Variants in ETNK1 observed in about 807,000 individuals in gnomAD.
The protein encoded by ETNK1 is putative protein product of Nbla10396.
ETNK1 carries 8 observed loss-of-function variants against 45.1 expected under a neutral mutation model. The observed-to-expected ratio is 0.18, with a 90% CI of 0.10 to 0.32. ETNK1 has a LOEUF of 0.32. Among genes scored for constraint, ETNK1 ranks in the 10% least tolerant of loss-of-function variants. ETNK1 has a pLI of 1.00. For missense variants in ETNK1, 302 were observed against 430.6 expected, an observed-to-expected ratio of 0.70 and a Z score of 2.64; for synonymous variants, 152 against 151.9, an observed-to-expected ratio of 1.00 and a Z score of -0.01.
chr12:22,682,723 AC>A (rs1445440214), intron 6 of ETNK1, among the ~76,000 whole-genome samples: 1 of 151,622 alleles, frequency 6.6e-6, no homozygotes, highest in African/African-American at 2.4e-5. Flanking sequence ...GTGATTTGCT[AC>A]CACTGCCTTG....
intron 1 of ETNK1, among the ~76,000 whole-genome samples, chr12:22,629,079 A>G (rs562959353): frequency 6.0e-4 from 91 of 152,188 alleles, no homozygotes; most frequent in African/African-American, 1.9e-3. Context: ...CCCTACCTCA[A>G]TGGGTTATTG....
chr12:22,664,956 G>A (rs1043431399), intron 4 of ETNK1, among the ~76,000 whole-genome samples: 5 of 151,966 alleles, frequency 3.3e-5, no homozygotes, highest in Non-Finnish European at 2.9e-5. Flanking sequence ...CAAATTTTAG[G>A]CAAACTTCTT....
chr12:22,662,278 G>C (rs1239404097), intron 4 of ETNK1, among the ~76,000 whole-genome samples: 1 of 136,094 alleles, frequency 7.3e-6, no homozygotes, highest in East Asian at 2.3e-4. Context: ...AGAAGAGATA[G>C]AGTTTCACCA....
intron 1 of ETNK1, among the ~76,000 whole-genome samples, chr12:22,628,137 T>C (rs1953530051): frequency 6.6e-6 from 1 of 152,078 alleles, no homozygotes; most frequent in Non-Finnish European, 1.5e-5. Context: ...TCCTTTACTG[T>C]TTATAAAGCA....
chr12:22,670,727 A>G (rs1441953653), intron 4 of ETNK1, among the ~76,000 whole-genome samples: 1 of 152,234 alleles, frequency 6.6e-6, no homozygotes, highest in Admixed American at 6.5e-5. Flanking sequence ...ATGTAAGCAT[A>G]TGATAGCAAC....
At position 22,686,413 on chromosome 12, in the gene ETNK1, A is replaced by G. The variant is rs545670617; in HGVS notation, c.*1459A>G. The G allele has an allele frequency of 2.0e-5, 3 of 152,470 alleles. No homozygotes were observed. Among genetic ancestry groups the G allele is most frequent in the African/African-American group, 7.2e-5 (3 of 41,558 alleles). The allele number at this position is 152,470 out of a possible 1,614,324, so 9.4% of individuals were successfully genotyped here. On this transcript the variant is annotated 3_prime_UTR_variant, in exon 8 of 8. Transcript: ENST00000266517. The stretch of plus-strand genomic sequence containing the variant: ...CTGGATCTGCATATTCAAAATATGC[A>G]ACTACAAATTTATCCTCTGAGAAAT...
intron 2 of ETNK1, among the ~76,000 whole-genome samples, chr12:22,649,062 GT>G (rs1161266585): frequency 1.3e-5 from 2 of 151,984 alleles, no homozygotes; most frequent in African/African-American, 4.8e-5. Flanking sequence ...AAATTGGGTT[GT>G]TTGTGTTCTT....
At chr12:22,673,803 A>G (rs569020172) in intron 6 of ETNK1, 143 bp downstream of exon 6, 1 of 822,794 alleles carries the variant, frequency 1.2e-6, no homozygotes, top group South Asian at 1.9e-5. Flanking sequence ...CATTTACAGT[A>G]TGCATTACCC....
chr12:22,657,256 C>T (rs1193261721), intron 2 of ETNK1, among the ~76,000 whole-genome samples: 4 of 152,112 alleles, frequency 2.6e-5, no homozygotes, highest in Admixed American at 2.6e-4. Flanking sequence ...TTTATTTACT[C>T]ATTTGTTTGA....
At chr12:22,644,079 A>C (rs1045544762) in intron 2 of ETNK1, 57 bp downstream of exon 2, 5 of 1,515,906 alleles carry the variant, frequency 3.3e-6, no homozygotes, top group Admixed American at 2.2e-5. Context: ...AAGTGCATTA[A>C]GGAAATATTT....
chr12:22,652,803 G>T (rs1392551794), intron 2 of ETNK1, among the ~76,000 whole-genome samples: 1 of 152,064 alleles, frequency 6.6e-6, no homozygotes, highest in African/African-American at 2.4e-5. Flanking sequence ...TTTTCAGTCT[G>T]TTGATTGTGT....
At chr12:22,627,982 T>C (rs974948184) in intron 1 of ETNK1, among the ~76,000 whole-genome samples, 1 of 152,210 alleles carries the variant, frequency 6.6e-6, no homozygotes, top group East Asian at 1.9e-4. Flanking sequence ...GGAGTAAATA[T>C]ATCTCATTTT....
At chr12:22,658,888 G>A in intron 2 of ETNK1, 126 bp from the exon 3 acceptor site, 1 of 932,208 alleles carries the variant, frequency 1.1e-6, no homozygotes, top group Non-Finnish European at 1.6e-6. Context: ...TTTTACAAGA[G>A]AGAGCACAGG....
At chr12:22,662,562 T>C (rs1954016268) in intron 4 of ETNK1, among the ~76,000 whole-genome samples, 1 of 152,002 alleles carries the variant, frequency 6.6e-6, no homozygotes, top group South Asian at 2.1e-4. Context: ...ACCTGACTAA[T>C]TTCAAAATTT....
chr12:22,678,161 A>T (rs964455016), intron 6 of ETNK1, among the ~76,000 whole-genome samples: 1 of 152,158 alleles, frequency 6.6e-6, no homozygotes, highest in East Asian at 1.9e-4. Context: ...TTTATTAAGT[A>T]TGTGCCTCTC....
chr12:22,656,510 T>C, intron 2 of ETNK1: 5 of 985,382 alleles, frequency 5.1e-6, no homozygotes, highest in Non-Finnish European at 6.0e-6. Context: ...CTTGGATGAC[T>C]ACTTCCCTGA....
intron 2 of ETNK1, chr12:22,656,517 C>G: frequency 1.0e-6 from 1 of 985,326 alleles, no homozygotes; most frequent in Non-Finnish European, 1.2e-6. Context: ...GACTACTTCC[C>G]TGAGTTTTGC....
At chr12:22,663,600 A>G (rs1954027983) in intron 4 of ETNK1, among the ~76,000 whole-genome samples, 1 of 152,116 alleles carries the variant, frequency 6.6e-6, no homozygotes, top group South Asian at 2.1e-4. Context: ...AAAAGTTCCC[A>G]TGTTTTCACA....
intron 1 of ETNK1, among the ~76,000 whole-genome samples, chr12:22,627,298 G>A (rs141517109): frequency 2.0e-5 from 3 of 152,230 alleles, no homozygotes; most frequent in African/African-American, 7.2e-5. Context: ...AAGTAACTAC[G>A]TGTGTTTAAA....
Sources: gnomAD v4.1 joint callset for allele counts (sites outside exome capture counted in the v4.1 genomes callset) on GRCh38, gnomAD v4.1.1 for gene constraint, MANE v1.5 for transcripts, NCBI Gene and HGNC (gene_info 2026-07-23, HGNC 2026-07-21) for gene names.